The following MACF1 variants were observed in gnomAD, a reference collection of about 807,000 sequenced individuals.
MACF1 encodes the protein microtubule actin crosslinking factor 1.
MACF1 carries 193 observed loss-of-function variants against 854.8 expected under a neutral mutation model. The observed-to-expected ratio is 0.23, with a 90% CI of 0.20 to 0.25. The LOEUF (loss-of-function observed/expected upper bound fraction) is 0.25, where lower values mean the gene tolerates loss of function less well. Among genes scored for constraint, MACF1 ranks in the 10% least tolerant of loss-of-function variants. MACF1 has a pLI of 1.00. For synonymous variants in MACF1, 3,185 were observed against 3,226.7 expected, an observed-to-expected ratio of 0.99 and a Z score of 0.44; for missense variants, 7,722 against 8,929.1, an observed-to-expected ratio of 0.86 and a Z score of 5.45.
chr1:39,115,309 G>A (rs1294427925), intron 2 of MACF1, among the ~76,000 whole-genome samples: 1 of 152,128 alleles, frequency 6.6e-6, no homozygotes, highest in Non-Finnish European at 1.5e-5. Flanking sequence ...AAATAGTAAT[G>A]TAATAAAGCA....
intron 2 of MACF1, among the ~76,000 whole-genome samples, chr1:39,188,668 A>G (rs1644208935): frequency 6.6e-6 from 1 of 152,112 alleles, no homozygotes; most frequent in South Asian, 2.1e-4. Context: ...TCACCCTGTC[A>G]CTCAGGCTGG....
rs750474649 is a variant in MACF1 at position 39,434,517 on chromosome 1, G to C, written c.17669G>C (p.Trp5890Ser). Reference protein sequence around the residue: ...ERAQVLVNQFWETYEELSPWI... With the variant: ...ERAQVLVNQFSETYEELSPWI... ...GCCCAGGTCTTAGTAAACCAGTTTT[G>C]GGAAACTTATGAAGAGCTCAGCCCC... Residue 5890 changes from tryptophan (W) to serine (S), a missense_variant, in exon 69 of 101, where the codon TGG (tryptophan) becomes TCG (serine). Transcript: ENST00000564288. The C allele has an allele frequency of 6.2e-7, 1 of 1,613,380 alleles. No individual in the cohort carries two copies. Among genetic ancestry groups the C allele is most frequent in the East Asian group, 2.2e-5 (1 of 44,848 alleles).
intron 53 of MACF1, 45 bp downstream of exon 53, chr1:39,378,568 G>A (rs1366540675): frequency 1.3e-6 from 2 of 1,554,056 alleles, no homozygotes; most frequent in Middle Eastern, 1.7e-4. Context: ...GATGTGTTAG[G>A]ACAGTGTCTA....
intron 94 of MACF1, 134 bp from the exon 95 acceptor site, chr1:39,464,961 G>C (rs1341616369): frequency 8.6e-6 from 7 of 814,662 alleles, no homozygotes. Flanking sequence ...AGCTTGGTAA[G>C]AATATGTTCA....
chr1:39,328,484 T>C (rs1223052015), intron 36 of MACF1: 2 of 152,212 alleles, frequency 1.3e-5, no homozygotes, highest in African/African-American at 4.8e-5. Flanking sequence ...GAAGTATTGT[T>C]CTGATTAACT....
chr1:39,118,349 G>T (rs930848160), intron 2 of MACF1, among the ~76,000 whole-genome samples: 2 of 152,250 alleles, frequency 1.3e-5, no homozygotes, highest in Admixed American at 6.5e-5. Context: ...CCCAGCCTTT[G>T]TTGGTTAGTT....
chr1:39,202,549 C>G (rs55986798), upstream of MACF1, among the ~76,000 whole-genome samples: 3 of 151,544 alleles, frequency 2.0e-5, no homozygotes, highest in Non-Finnish European at 2.9e-5. Flanking sequence ...GCAGGAGAAT[C>G]GCTTGAAGCC....
At chr1:39,346,075 A>T (rs1000528879) in intron 40 of MACF1, among the ~76,000 whole-genome samples, 1 of 151,812 alleles carries the variant, frequency 6.6e-6, no homozygotes, top group African/African-American at 2.4e-5. Flanking sequence ...TTTGAAAAAA[A>T]AAAAAAGGCC....
intron 2 of MACF1, among the ~76,000 whole-genome samples, chr1:39,237,103 C>T (rs950290489): frequency 8.5e-5 from 13 of 152,174 alleles, no homozygotes; most frequent in African/African-American, 2.9e-4. Flanking sequence ...TTGTAGCTTG[C>T]GCTATAGCCA....
intron 15 of MACF1, among the ~76,000 whole-genome samples, chr1:39,291,473 T>C (rs1476008548): frequency 6.6e-6 from 1 of 152,200 alleles, no homozygotes; most frequent in Non-Finnish European, 1.5e-5. Context: ...CAAAGTAACC[T>C]GTTTTAAAAT....
chr1:39,093,477 G>A (rs2148123257), intron 2 of MACF1, among the ~76,000 whole-genome samples: 1 of 146,444 alleles, frequency 6.8e-6, no homozygotes, highest in East Asian at 2.0e-4. Flanking sequence ...CACCACGCCT[G>A]GCTAATTTTT....
chr1:39,347,003 G>A lies in MACF1; in HGVS notation c.10608G>A (p.Arg3536=). Residue 3536 remains arginine (R), a synonymous_variant, in exon 41 of 101, where the codon AGG becomes AGA. Transcript: ENST00000564288. ...YEDLKQPMAE[R]KAQLDALAFD... ...ATTTGAAACAGCCCATGGCTGAAAG[G>A]AAAGCTCAGCTGGATGCTCTTGCTT... The A allele has an allele frequency of 6.2e-7, 1 of 1,612,654 alleles. No individual in the cohort carries two copies.
chr1:39,379,272 A>C lies in MACF1; in HGVS notation c.13346A>C (p.His4449Pro). 1 of 1,613,536 alleles carries C rather than the reference A, an allele frequency of 6.2e-7. No individual in the cohort carries two copies. Among genetic ancestry groups the C allele is most frequent in the Admixed American group, 1.7e-5 (1 of 59,904 alleles). The change falls in exon 54 of 101, where the codon CAT (histidine) becomes CCT (proline). Residue 4449 changes from histidine (H) to proline (P), a missense_variant. Transcript: ENST00000564288. Reference sequence around the variant, plus strand: ...TATGAGAAACTAGGGGGAGTACTTCATGAACGCCAGGAAAGCCTTCAGGCT... The same window carrying C: ...TATGAGAAACTAGGGGGAGTACTTCCTGAACGCCAGGAAAGCCTTCAGGCT... ...LKYEKLGGVLHERQESLQAIL... is the reference protein window; with the variant it reads ...LKYEKLGGVLPERQESLQAIL...
rs985712512 is a variant in MACF1 at position 39,269,849 on chromosome 1, A to G, written c.528+11821A>G. 17 of 664,034 alleles carry G rather than the reference A, an allele frequency of 2.6e-5. No individual in the cohort carries two copies. The African/African-American group carries it at 2.9e-4, about 11-fold the overall frequency. 41.1% of individuals were successfully genotyped at this position (664,034 alleles called of 1,614,324 possible). A position where few individuals can be genotyped will look rare whatever the true frequency, so the allele number is the denominator to read the frequency against. On this transcript the variant is annotated intron_variant, in intron 6 of 100. Coordinates refer to ENST00000564288, the MANE Select transcript of MACF1 (RefSeq NM_001394062.1). ...CAAACTTACCCCCATGTGGGTTAGT[A>G]TCTGCTGGAGCTCAGCAAGCAGAAT...
At chr1:39,221,931 A>G (rs1644657081) in intron 1 of MACF1, among the ~76,000 whole-genome samples, 1 of 152,030 alleles carries the variant, frequency 6.6e-6, no homozygotes, top group Non-Finnish European at 1.5e-5. Flanking sequence ...TGCTTTGTCT[A>G]CTTAATTAAG....
chr1:39,276,052 T>C (rs1039572598), intron 6 of MACF1, among the ~76,000 whole-genome samples: 1 of 152,136 alleles, frequency 6.6e-6, no homozygotes, highest in Non-Finnish European at 1.5e-5. Flanking sequence ...GCCAAGTAGC[T>C]GGCACTACAG....
rs1647070131 is a variant in MACF1 at position 39,347,142 on chromosome 1, C to T, written c.10747C>T (p.Gln3583Ter). 1 of 1,614,144 alleles carries T rather than the reference C, an allele frequency of 6.2e-7. No homozygotes were observed. The highest frequency in any genetic ancestry group is 1.3e-5 in the African/African-American group (1 of 75,050). ...LQRSFQDILE[Q>*]TAAQVDALQG... is the part of the protein sequence containing the mutation. ...GAGGTCCTTCCAGGACATTTTGGAA[C>T]AGACTGCCGCTCAGGTGGATGCCTT... The change falls in exon 41 of 101, where the codon CAG becomes TAG. Residue 3583 changes from glutamine (Q) to a stop codon, truncating the protein, a stop_gained. Coordinates refer to ENST00000564288, the MANE Select transcript of MACF1 (RefSeq NM_001394062.1). LOFTEE classifies it high-confidence loss of function.
chr1:39,362,032 C>A (rs572420097), intron 49 of MACF1, among the ~76,000 whole-genome samples: 65 of 152,230 alleles, frequency 4.3e-4, no homozygotes, highest in Admixed American at 2.8e-3. Context: ...TTTTATTAGT[C>A]AAAGCACTTT....
intron 70 of MACF1, chr1:39,436,008 CTT>C (rs1432520360): frequency 1.0e-5 from 5 of 486,898 alleles, no homozygotes; most frequent in Admixed American, 3.8e-5. Flanking sequence ...TCTCTGAAAA[CTT>C]TATGTTGTGA....
Sources: gnomAD v4.1 joint callset for allele counts (sites outside exome capture counted in the v4.1 genomes callset) on GRCh38, gnomAD v4.1.1 for gene constraint, MANE v1.5 for transcripts, NCBI Gene and HGNC (gene_info 2026-07-23, HGNC 2026-07-21) for gene names.